Variants in ROBO1 observed in about 807,000 individuals in gnomAD.
ROBO1 encodes roundabout guidance receptor 1, also known as roundabout homolog 1.
A neutral mutation model predicts 195.9 loss-of-function variants in ROBO1; 149 were observed. The observed-to-expected ratio is 0.76, with a 90% CI of 0.67 to 0.87. The LOEUF (loss-of-function observed/expected upper bound fraction) is 0.87. Among genes scored for constraint, ROBO1 ranks in the 40% least tolerant of loss-of-function variants. The pLI, the probability that ROBO1 is intolerant of heterozygous loss-of-function variation, is 0.00. For missense variants in ROBO1, 1,933 were observed against 2,068.3 expected, an observed-to-expected ratio of 0.93 and a Z score of 1.27; for synonymous variants, 816 against 733.2, an observed-to-expected ratio of 1.11 and a Z score of -1.82.
intron 2 of ROBO1, among the ~76,000 whole-genome samples, chr3:79,272,961 A>G: frequency 6.6e-6 from 1 of 152,150 alleles, no homozygotes; most frequent in East Asian, 1.9e-4. Flanking sequence ...TGACATGTTT[A>G]AAGTGCTGAA....
At chr3:79,251,531 T>A (rs115942414) in intron 2 of ROBO1, among the ~76,000 whole-genome samples, 1 of 152,112 alleles carries the variant, frequency 6.6e-6, no homozygotes, top group East Asian at 1.9e-4. Flanking sequence ...GGAGAGTGGA[T>A]CACTAGGTCA....
At chr3:79,036,756 G>GT (rs2078387476) in intron 3 of ROBO1, among the ~76,000 whole-genome samples, 4 of 152,136 alleles carry the variant, frequency 2.6e-5, no homozygotes, top group Admixed American at 2.6e-4. Context: ...GAAGTCAGCT[G>GT]TTAAGAATTA....
chr3:78,978,793 A>G (rs1407347511), intron 3 of ROBO1, among the ~76,000 whole-genome samples: 1 of 152,204 alleles, frequency 6.6e-6, no homozygotes, highest in Non-Finnish European at 1.5e-5. Context: ...GACTTTACTT[A>G]AACTGAATGA....
At chr3:78,988,906 GT>G (rs1311481774) in intron 3 of ROBO1, among the ~76,000 whole-genome samples, 1 of 152,086 alleles carries the variant, frequency 6.6e-6, no homozygotes, top group Non-Finnish European at 1.5e-5. Flanking sequence ...TACATTGTCT[GT>G]CATATACCAA....
chr3:79,486,863 C>T (rs4533609), intron 2 of ROBO1, among the ~76,000 whole-genome samples: 10,293 of 152,202 alleles, frequency 0.068, 545 homozygotes, highest in East Asian at 0.19. Flanking sequence ...ACAGAGCTAT[C>T]CCTCCTCCCC....
At chr3:78,754,087 A>AAAAACAGAGAGT (rs1479862445) in intron 4 of ROBO1, among the ~76,000 whole-genome samples, 4 of 152,206 alleles carry the variant, frequency 2.6e-5, no homozygotes, top group African/African-American at 7.2e-5. Flanking sequence ...TGACTCAGTT[A>AAAAACAGAGAGT]TTTCCATAAA....
At chr3:79,679,592 C>T (rs949959989) in intron 1 of ROBO1, among the ~76,000 whole-genome samples, 3 of 151,870 alleles carry the variant, frequency 2.0e-5, no homozygotes, top group Non-Finnish European at 4.4e-5. Flanking sequence ...GTTAATTTAA[C>T]TCAATTTAAC....
intron 1 of ROBO1, among the ~76,000 whole-genome samples, chr3:79,753,848 T>C (rs1244237542): frequency 6.6e-6 from 1 of 152,170 alleles, no homozygotes; most frequent in Non-Finnish European, 1.5e-5. Flanking sequence ...TTTAAAATGA[T>C]GCAAAAATTT....
chr3:78,884,374 G>A (rs1490609907), intron 4 of ROBO1, among the ~76,000 whole-genome samples: 2 of 151,986 alleles, frequency 1.3e-5, no homozygotes, highest in African/African-American at 2.4e-5. Flanking sequence ...CACTTTGGGA[G>A]GCCAAGGTGG....
At chr3:78,884,641 A>AAG (rs1325779869) in intron 4 of ROBO1, among the ~76,000 whole-genome samples, 6 of 90,798 alleles carry the variant, frequency 6.6e-5, no homozygotes, top group South Asian at 3.5e-4. Context: ...AAGAGAAAGA[A>AAG]AGAAAGAAAG....
chr3:79,496,212 CAAAA>C (rs751339145), intron 2 of ROBO1, among the ~76,000 whole-genome samples: 2 of 56,268 alleles, frequency 3.6e-5, no homozygotes, highest in Non-Finnish European at 7.1e-5. Flanking sequence ...GACTCTGTCT[CAAAA>C]AAAAAAAAAA....
intron 2 of ROBO1, among the ~76,000 whole-genome samples, chr3:79,566,633 C>T (rs527340301): frequency 3.7e-4 from 57 of 152,074 alleles, no homozygotes; most frequent in African/African-American, 7.2e-4. Context: ...ACTTTAAAGG[C>T]GTGACACAAA....
intron 1 of ROBO1, among the ~76,000 whole-genome samples, chr3:79,610,413 G>C (rs571032693): frequency 2.6e-5 from 4 of 151,930 alleles, no homozygotes; most frequent in South Asian, 4.2e-4. Flanking sequence ...TTATTGTACT[G>C]TTCCGGGGTA....
intron 4 of ROBO1, among the ~76,000 whole-genome samples, chr3:78,825,832 C>G (rs2031544060): frequency 6.6e-6 from 1 of 152,100 alleles, no homozygotes; most frequent in South Asian, 2.1e-4. Flanking sequence ...ATCTCAATGC[C>G]TTAATTAAAT....
chr3:79,613,880 G>A (rs1176268635), intron 1 of ROBO1, among the ~76,000 whole-genome samples: 1 of 151,878 alleles, frequency 6.6e-6, no homozygotes, highest in Non-Finnish European at 1.5e-5. Flanking sequence ...GACCATACAG[G>A]TATTAACATC....
In ROBO1 at chr3:79,753,105, C is replaced by T. The variant is rs536894026; in HGVS notation, c.-51+14647G>A. ...TAAAATGAAAATAAAGCTGGAGAGA[C>T]AGAGATCAGTGCTAGAAAAATAAAT... On this transcript the variant is annotated intron_variant, in intron 1 of 30. Transcript: ENST00000464233. 4.6e-5 allele frequency among the ~76,000 whole-genome samples: 7 copies of T among 152,118 alleles called. No individual in the cohort carries two copies. In the South Asian group the frequency reaches 1.2e-3, roughly 27 times the overall value.
chr3:79,135,147 T>C (rs2080378553), intron 2 of ROBO1, among the ~76,000 whole-genome samples: 1 of 152,130 alleles, frequency 6.6e-6, no homozygotes, highest in Non-Finnish European at 1.5e-5. Context: ...TTGAACTTAT[T>C]CCTCCTAACT....
At chr3:78,844,069 T>C (rs1285855656) in intron 4 of ROBO1, among the ~76,000 whole-genome samples, 1 of 152,158 alleles carries the variant, frequency 6.6e-6, no homozygotes, top group Non-Finnish European at 1.5e-5. Flanking sequence ...TAAATTGTGA[T>C]CATTCCATTT....
In ROBO1 at chr3:78,708,014, C is replaced by T. The variant is rs569059827; in HGVS notation, c.1045+6383G>A. 5.9e-5 allele frequency among the ~76,000 whole-genome samples: 9 copies of T among 152,186 alleles called. No homozygotes were observed. In the East Asian group the frequency reaches 1.4e-3, roughly 23 times the overall value. ...GTTTCCTGTGACTGATGGGACACAG[C>T]GATGGGAACATGATCACTCTGGTGA... On this transcript the variant is annotated intron_variant, in intron 8 of 30. Coordinates refer to ENST00000464233, the MANE Select transcript of ROBO1 (RefSeq NM_002941.4).
Sources: allele counts gnomAD v4.1 joint callset (sites outside exome capture counted in the v4.1 genomes callset), GRCh38; gene constraint gnomAD v4.1.1; transcripts MANE v1.5; gene names NCBI Gene and HGNC (gene_info 2026-07-23, HGNC 2026-07-21).